Variants in LPIN3 observed in about 807,000 individuals in gnomAD.
LPIN3 encodes the protein phosphatidate phosphatase LPIN3.
LPIN3 carries 82 observed loss-of-function variants against 94.7 expected under a neutral mutation model. That is an observed-to-expected ratio of 0.87 (90% CI 0.72 to 1.04). The LOEUF (loss-of-function observed/expected upper bound fraction) is 1.04. Ranked by LOEUF, LPIN3 falls within the 50% of genes least tolerant of loss-of-function variation. LPIN3 has a pLI of 0.00. For missense variants in LPIN3, 996 were observed against 1,090.5 expected (o/e 0.91, Z 1.22); for synonymous variants, 418 against 443.3 (o/e 0.94, Z 0.72).
rs759374029 is a variant in LPIN3 at position 41,349,160 on chromosome 20, C to T, written c.626C>T (p.Pro209Leu). ...TACCCCTACTCGGATGGCGAGTGGCCCCCCCAGGCCAGGTAAGAGTCCAGG... is the reference window on the plus strand; with the variant it reads ...TACCCCTACTCGGATGGCGAGTGGCTCCCCCAGGCCAGGTAAGAGTCCAGG... ...DIYPYSDGEW[P>L]PQASLSAGEL... The change falls in exon 5 of 20, where the codon CCC (proline) becomes CTC (leucine). Residue 209 changes from proline to leucine, a missense_variant. Transcript: ENST00000373257. 2.5e-6 allele frequency: 4 copies of T among 1,613,942 alleles called. No homozygotes were observed. Among genetic ancestry groups the T allele is most frequent in the Non-Finnish European group, 3.4e-6 (4 of 1,179,922 alleles).
Position 41,352,040 on chromosome 20 carries a change from G to A in LPIN3, c.1203-20G>A. On this transcript the variant is annotated intron_variant, in intron 8 of 19. Transcript: ENST00000373257. ...CCGCCCTCCTCGTATTCTTGTCATT[G>A]TTGGCCCCTTTGCCTGCAGTGACTC... 3 of 1,614,124 alleles carry A rather than the reference G, an allele frequency of 1.9e-6. No individual in the cohort carries two copies. Among genetic ancestry groups the A allele is most frequent in the Non-Finnish European group, 2.5e-6 (3 of 1,180,016 alleles).
intron 1 of LPIN3, among the ~76,000 whole-genome samples, chr20:41,343,601 C>A (rs533219578): frequency 6.6e-6 from 1 of 152,190 alleles, no homozygotes; most frequent in South Asian, 2.1e-4. Flanking sequence ...CTGCTTCATC[C>A]GATGTCCTAG....
At chr20:41,354,549 G>T in intron 11 of LPIN3, 96 bp from the exon 12 acceptor site, 1 of 1,230,340 alleles carries the variant, frequency 8.1e-7, no homozygotes, top group South Asian at 1.7e-5. Flanking sequence ...GGTTGGCTCA[G>T]ACTCTGGGCT....
In LPIN3 at chr20:41,347,588, C is replaced by A. The variant is rs757849742; in HGVS notation, c.229C>A (p.His77Asn). ...IELNGEPVDLHMKLGDSGEAF... is the reference protein window; with the variant it reads ...IELNGEPVDLNMKLGDSGEAF... ...GCTCAATGGGGAGCCTGTGGACTTGCACATGAAGCTTGGGGACAGCGGGGA... is the reference window on the plus strand; with the variant it reads ...GCTCAATGGGGAGCCTGTGGACTTGAACATGAAGCTTGGGGACAGCGGGGA... The change falls in exon 3 of 20, where the codon CAC (histidine) becomes AAC (asparagine). Residue 77 changes from histidine to asparagine, a missense_variant. Transcript: ENST00000373257. 1.2e-6 allele frequency: 2 copies of A among 1,614,162 alleles called. No individual in the cohort carries two copies. Among genetic ancestry groups the A allele is most frequent in the South Asian group, 2.2e-5 (2 of 91,074 alleles).
intron 11 of LPIN3, among the ~76,000 whole-genome samples, chr20:41,354,162 C>G (rs913023129): frequency 1.3e-5 from 2 of 152,172 alleles, no homozygotes; most frequent in Non-Finnish European, 2.9e-5. Flanking sequence ...CCCAACCAGA[C>G]AGTTATGGTA....
intron 11 of LPIN3, among the ~76,000 whole-genome samples, chr20:41,353,264 C>A (rs1211086776): frequency 6.6e-6 from 1 of 152,246 alleles, no homozygotes; most frequent in African/African-American, 2.4e-5. Flanking sequence ...GAAGACTATT[C>A]CTCCAGGCTG....
intron 11 of LPIN3, among the ~76,000 whole-genome samples, chr20:41,353,925 T>TA (rs750175049): frequency 6.6e-6 from 1 of 152,110 alleles, no homozygotes; most frequent in Non-Finnish European, 1.5e-5. Flanking sequence ...CTCCTCACCT[T>TA]ACCCAGACAG....
Position 41,347,619 on chromosome 20 carries a change from T to A in LPIN3, c.260T>A (p.Phe87Tyr). Residue 87 changes from phenylalanine (F) to tyrosine (Y), a missense_variant, in exon 3 of 20, where the codon TTC becomes TAC. Phe to Tyr is a conservative substitution (Grantham distance 22). Coordinates refer to ENST00000373257, the MANE Select transcript of LPIN3 (RefSeq NM_022896.3). Reference sequence around the variant, plus strand: ...AAGCTTGGGGACAGCGGGGAGGCCTTCTTTGTTCAGGAGCTGGAGAGCGAT... The same window carrying A: ...AAGCTTGGGGACAGCGGGGAGGCCTACTTTGTTCAGGAGCTGGAGAGCGAT... ...HMKLGDSGEA[F>Y]FVQELESDDE... 4 of 1,614,098 alleles carry A rather than the reference T, an allele frequency of 2.5e-6. No homozygotes were observed. Among genetic ancestry groups the A allele is most frequent in the Non-Finnish European group, 3.4e-6 (4 of 1,179,982 alleles).
Position 41,355,896 on chromosome 20 carries a change from G to T in LPIN3, c.1665G>T (p.Gly555=), listed in dbSNP as rs753553830. The part of the protein sequence containing the change: ...KEKTAAKEQQ[G]EKTEVLSSDD... The stretch of plus-strand genomic sequence containing the variant: ...GCCTGAGAGCCAGTGTGGTCCACAG[G>T]GAGAAGACAGAAGTCCTGAGCAGTG... Residue 555 remains glycine, a splice_region_variant and synonymous_variant, in exon 14 of 20, where the codon GGG becomes GGT. Transcript: ENST00000373257. The T allele has an allele frequency of 1.2e-6, 2 of 1,613,908 alleles. No individual in the cohort carries two copies. Among genetic ancestry groups the T allele is most frequent in the Non-Finnish European group, 1.7e-6 (2 of 1,179,962 alleles).
intron 7 of LPIN3, among the ~76,000 whole-genome samples, chr20:41,351,225 C>T: frequency 6.6e-6 from 1 of 151,616 alleles, no homozygotes; most frequent in Non-Finnish European, 1.5e-5. Context: ...CACACCACTG[C>T]ACTCCAGCCT....
intron 7 of LPIN3, among the ~76,000 whole-genome samples, chr20:41,351,516 C>T (rs1379465928): frequency 2.6e-5 from 4 of 151,742 alleles, no homozygotes; most frequent in Admixed American, 6.6e-5. Flanking sequence ...AGGATGGTCT[C>T]GATCCCCTGA....
In LPIN3 at chr20:41,349,146, G is replaced by A. The variant is rs75791892; in HGVS notation, c.612G>A (p.Ser204=). 6.5e-4 allele frequency: 1,047 copies of A among 1,614,092 alleles called. 3 individuals are homozygous for A. In the African/African-American group the frequency reaches 0.011, roughly 17 times the overall value. Residue 204 remains serine, a synonymous_variant, in exon 5 of 20, where the codon TCG becomes TCA. Transcript: ENST00000373257. The stretch of plus-strand genomic sequence containing the variant: ...AGCCCAAAGACATCTACCCCTACTC[G>A]GATGGCGAGTGGCCCCCCCAGGCCA... ...SLQPKDIYPY[S]DGEWPPQASL...
chr20:41,356,469 AG>A (rs1342488233), intron 14 of LPIN3, among the ~76,000 whole-genome samples: 6 of 152,156 alleles, frequency 3.9e-5, no homozygotes, highest in Non-Finnish European at 8.8e-5. Flanking sequence ...CTCCATGGTC[AG>A]GGAAGTGTCC....
Position 41,354,724 on chromosome 20 carries a change from T to A in LPIN3, c.1607T>A (p.Phe536Tyr), listed in dbSNP as rs2046148107. 1.2e-6 allele frequency: 2 copies of A among 1,607,876 alleles called. No individual in the cohort carries two copies. The highest frequency in any genetic ancestry group is 1.7e-5 in the Admixed American group (1 of 59,478). The change falls in exon 12 of 20, where the codon TTC becomes TAC. Residue 536 changes from phenylalanine (F) to tyrosine (Y), a missense_variant. Coordinates refer to ENST00000373257, the MANE Select transcript of LPIN3 (RefSeq NM_022896.3). ...TGGTTTTCCTGGCGACGCAGGGACT[T>A]CCTGGCCGAGGAGGTGGGTGGTCAC... Reference protein sequence around the residue: ...RWWFSWRRRDFLAEERSAQKE... With the variant: ...RWWFSWRRRDYLAEERSAQKE...
Position 41,357,132 on chromosome 20 carries a change from C to A in LPIN3, c.1896C>A (p.Tyr632Ter). ...CCTGCCGCTGCAAGGCCACCATCTA[C>A]CTGTGGAAATGGGACGACAAGGTGG... is the stretch of plus-strand genomic sequence containing the variant. Reference protein sequence around the residue: ...QGTCRCKATIYLWKWDDKVVI... With the variant: ...QGTCRCKATI The change falls in exon 15 of 20, where the codon TAC becomes TAA. Residue 632 changes from tyrosine (Y) to a stop codon, truncating the protein, a stop_gained. Coordinates refer to ENST00000373257, the MANE Select transcript of LPIN3 (RefSeq NM_022896.3). LOFTEE classifies it high-confidence loss of function. The A allele has an allele frequency of 6.2e-7, 1 of 1,614,168 alleles. No homozygotes were observed. Among genetic ancestry groups the A allele is most frequent in the South Asian group, 1.1e-5 (1 of 91,086 alleles).
Position 41,357,178 on chromosome 20 carries a change from A to G in LPIN3, c.1942A>G (p.Thr648Ala). ...DKVVISDIDG[T>A]ITKSDALGHI... ...GGTGGTCATCTCTGACATCGACGGC[A>G]CCATCACCAAGTGAGGCCCACCCAG... The change falls in exon 15 of 20, where the codon ACC becomes GCC. Residue 648 changes from threonine (T) to alanine (A), a missense_variant. Coordinates refer to ENST00000373257, the MANE Select transcript of LPIN3 (RefSeq NM_022896.3). 6.2e-7 allele frequency: 1 copy of G among 1,614,012 alleles called. No individual in the cohort carries two copies.
chr20:41,349,652 T>C, intron 5 of LPIN3, 122 bp from the exon 6 acceptor site: 1 of 1,209,678 alleles, frequency 8.3e-7, no homozygotes, highest in Non-Finnish European at 1.1e-6. Context: ...TACATATTCC[T>C]TATATATTAT....
intron 7 of LPIN3, 23 bp from the exon 8 acceptor site, chr20:41,351,798 G>T (rs748618773): frequency 6.2e-7 from 1 of 1,609,796 alleles, no homozygotes; most frequent in Non-Finnish European, 8.5e-7. Context: ...CAGCTCTACA[G>T]ATATCCTCTC....
At chr20:41,342,712 TG>T (rs1193601256) in intron 1 of LPIN3, among the ~76,000 whole-genome samples, 2 of 150,108 alleles carry the variant, frequency 1.3e-5, no homozygotes, top group African/African-American at 4.9e-5. Context: ...CAGGCAGATG[TG>T]GGGGGCTCAC....
Sources: gnomAD v4.1 joint callset for allele counts (sites outside exome capture counted in the v4.1 genomes callset) on GRCh38, gnomAD v4.1.1 for gene constraint, MANE v1.5 for transcripts, NCBI Gene and HGNC (gene_info 2026-07-23, HGNC 2026-07-21) for gene names.